DMD: variants seen among roughly 807,000 people sequenced by gnomAD.
DMD encodes the protein dystrophin.
DMD carries 63 observed loss-of-function variants against 330.1 expected under a neutral mutation model. The ratio of observed to expected loss-of-function variants is 0.19; its 90% CI spans 0.16 to 0.24. The LOEUF is 0.24. Ranked by LOEUF, DMD falls within the 10% of genes least tolerant of loss-of-function variation. The pLI, the probability that DMD is intolerant of heterozygous loss-of-function variation, is 1.00. For synonymous variants in DMD, 1,223 were observed against 959.8 expected (o/e 1.27, Z -5.07); for missense variants, 3,344 against 2,684.1 (o/e 1.25, Z -5.43).
intron 62 of DMD, among the ~76,000 whole-genome samples, chrX:31,280,830 A>G (rs1393994751): frequency 8.9e-6 from 1 of 111,790 alleles, no homozygotes; most frequent in Non-Finnish European, 1.9e-5. Flanking sequence ...ATATCCTCTC[A>G]TCCAATACAG....
intron 55 of DMD, among the ~76,000 whole-genome samples, chrX:31,597,539 T>C (rs1175637957): frequency 1.8e-5 from 2 of 111,661 alleles, no homozygotes; most frequent in African/African-American, 6.5e-5. Flanking sequence ...TGGCCCTTTG[T>C]TGAAACTCTC....
intron 44 of DMD, among the ~76,000 whole-genome samples, chrX:32,010,623 T>A (rs1212640073): frequency 1.8e-5 from 2 of 111,621 alleles, no homozygotes; most frequent in African/African-American, 6.5e-5. Flanking sequence ...CACCTTGCCT[T>A]GAAAATTTCC....
chrX:33,326,478 A>C (rs932460141), intron 1 of DMD, among the ~76,000 whole-genome samples: 1 of 111,793 alleles, frequency 8.9e-6, no homozygotes, highest in African/African-American at 3.2e-5. Flanking sequence ...GTGAATAAGA[A>C]TTGTTTATGA....
Position 32,221,951 on chromosome X carries a change from T to A in DMD, c.6291-4888A>T, listed in dbSNP as rs774807151. ...TGGCTGAATAGTATTTCACGGTATA[T>A]GAAAATATATGCCACATTTTCTTTA... On this transcript the variant is annotated intron_variant, in intron 43 of 78. Coordinates refer to ENST00000357033, the MANE Select transcript of DMD (RefSeq NM_004006.3). 8.0e-5 allele frequency among the ~76,000 whole-genome samples: 9 copies of A among 112,232 alleles called. No individual in the cohort carries two copies. The Admixed American group carries it at 8.5e-4, about 11-fold the overall frequency.
intron 7 of DMD, among the ~76,000 whole-genome samples, chrX:32,803,476 T>C (rs2076734057): frequency 9.1e-6 from 1 of 110,271 alleles, no homozygotes; most frequent in Non-Finnish European, 1.9e-5. Context: ...TCAGTTCTGC[T>C]CTTAGTTATT....
intron 55 of DMD, among the ~76,000 whole-genome samples, chrX:31,564,705 T>C (rs1200990845): frequency 8.9e-6 from 1 of 112,378 alleles, no homozygotes; most frequent in Non-Finnish European, 1.9e-5. Context: ...ACAGATCTTC[T>C]TTTGTACTTT....
chrX:31,187,622 C>G (rs1476315767), intron 67 of DMD, among the ~76,000 whole-genome samples: 1 of 110,130 alleles, frequency 9.1e-6, no homozygotes, highest in Non-Finnish European at 1.9e-5. Context: ...TTATATCTGC[C>G]TCTTAAAATT....
intron 44 of DMD, among the ~76,000 whole-genome samples, chrX:32,133,046 G>A (rs1485871078): frequency 3.4e-5 from 3 of 88,345 alleles, no homozygotes; most frequent in Admixed American, 1.5e-4. Context: ...TCGCTCCATC[G>A]CCCAGGTTGG....
intron 63 of DMD, among the ~76,000 whole-genome samples, chrX:31,256,065 C>T (rs1212001797): frequency 3.6e-5 from 4 of 110,329 alleles, no homozygotes; most frequent in Non-Finnish European, 7.6e-5. Context: ...CGTGAGCCAC[C>T]GTGCCCAGCC....
At position 31,444,638 on chromosome X, in the gene DMD, T is replaced by C. The variant is rs1298090331; in HGVS notation, c.8938-11A>G. On this transcript the variant is annotated splice_polypyrimidine_tract_variant and intron_variant, in intron 59 of 78. Transcript: ENST00000357033. ...TTCTCCTCGAAGTGCCTGTGTGCAA[T>C]AGTCAAAAGCAAATTGGAAGATGAG... 8.3e-7 allele frequency: 1 copy of C among 1,210,416 alleles called. No homozygotes were observed. The highest frequency in any genetic ancestry group is 2.2e-5 in the Admixed American group (1 of 45,929).
intron 7 of DMD, among the ~76,000 whole-genome samples, chrX:32,767,768 C>G (rs2073162798): frequency 9.0e-6 from 1 of 111,543 alleles, no homozygotes; most frequent in Non-Finnish European, 1.9e-5. Context: ...GTCACAAGAA[C>G]CGATGCTTTC....
intron 1 of DMD, among the ~76,000 whole-genome samples, chrX:33,217,109 T>C (rs2052071566): frequency 9.0e-6 from 1 of 111,550 alleles, no homozygotes; most frequent in African/African-American, 3.3e-5. Context: ...TATGGATCAT[T>C]TCTACTTCCT....
At position 32,806,811 on chromosome X, in the gene DMD, C is replaced by G. The variant is rs781239447; in HGVS notation, c.649+2682G>C. On this transcript the variant is annotated intron_variant, in intron 7 of 78. Coordinates refer to ENST00000357033, the MANE Select transcript of DMD (RefSeq NM_004006.3). Reference sequence around the variant, plus strand: ...AAACTCACTCAAAACCATACAACTACATGGAAACTAACAATCTGCTTCTGA... The same window carrying G: ...AAACTCACTCAAAACCATACAACTAGATGGAAACTAACAATCTGCTTCTGA... Among the ~76,000 whole-genome samples the G allele has an allele frequency of 1.9e-4, 12 of 62,233 alleles. No homozygotes were observed. The South Asian group carries it at 5.4e-3, about 28-fold the overall frequency. 54.0% of individuals were successfully genotyped at this position (62,233 alleles called of 115,157 possible). A position where few individuals can be genotyped will look rare whatever the true frequency, so the allele number is the denominator to read the frequency against.
At position 32,647,627 on chromosome X, in the gene DMD, T is replaced by C. The variant is rs920558861; in HGVS notation, c.961-2475A>G. Among the ~76,000 whole-genome samples, 23 of 112,189 alleles carry C rather than the reference T, an allele frequency of 2.1e-4. 1 individual carries two copies. The Admixed American group carries it at 2.1e-3, about 10-fold the overall frequency. On this transcript the variant is annotated intron_variant, in intron 9 of 78. Coordinates refer to ENST00000357033, the MANE Select transcript of DMD (RefSeq NM_004006.3). ...ACTTTGGGAGTTACCTAGCCCTGCA[T>C]AAGCCTTAGTTTCTGCTTCTGTAAA...
chrX:31,706,329 C>T lies in DMD; in HGVS notation c.7660+23302G>A, dbSNP rs142058972. 2.0e-3 allele frequency among the ~76,000 whole-genome samples: 221 copies of T among 110,104 alleles called. 3 individuals carry two copies. Among genetic ancestry groups the T allele is most frequent in the African/African-American group, 6.8e-3 (206 of 30,282 alleles). On this transcript the variant is annotated intron_variant, in intron 52 of 78. Transcript: ENST00000357033. ...ACTTAAAATTTACAAAAAAAAAATGCTAAAAGTTAGAATTTTGGAAAACGA... is the reference window on the plus strand; with the variant it reads ...ACTTAAAATTTACAAAAAAAAAATGTTAAAAGTTAGAATTTTGGAAAACGA...
chrX:31,939,849 T>C (rs1191597292), intron 45 of DMD, among the ~76,000 whole-genome samples: 1 of 111,924 alleles, frequency 8.9e-6, no homozygotes, highest in Non-Finnish European at 1.9e-5. Flanking sequence ...ACCTGACAAC[T>C]TTATTTCTCC....
intron 2 of DMD, among the ~76,000 whole-genome samples, chrX:33,001,759 G>A (rs191574419): frequency 3.2e-4 from 36 of 111,443 alleles, no homozygotes; most frequent in African/African-American, 1.1e-3. Context: ...ATTTGGTTTC[G>A]TTTCTACTTT....
At chrX:32,112,524 C>T (rs772154970) in intron 44 of DMD, among the ~76,000 whole-genome samples, 5 of 110,875 alleles carry the variant, frequency 4.5e-5, no homozygotes, top group African/African-American at 1.3e-4. Context: ...CACTTGGAGA[C>T]GAATAGATTA....
intron 49 of DMD, among the ~76,000 whole-genome samples, chrX:31,828,345 T>C (rs552019192): frequency 3.6e-5 from 4 of 111,465 alleles, no homozygotes; most frequent in Admixed American, 9.6e-5. Flanking sequence ...ACAACCCTCC[T>C]AGTTTAAATC....
Sources: allele counts gnomAD v4.1 joint callset (sites outside exome capture counted in the v4.1 genomes callset), GRCh38; gene constraint gnomAD v4.1.1; transcripts MANE v1.5; gene names NCBI Gene and HGNC (gene_info 2026-07-23, HGNC 2026-07-21).